The following VSNL1 variants were observed in gnomAD, a reference collection of about 807,000 sequenced individuals.
VSNL1 encodes the protein visinin like 1.
A neutral mutation model predicts 20.4 loss-of-function variants in VSNL1; 6 were observed. The observed-to-expected ratio is 0.29, with a 90% CI of 0.16 to 0.58. The LOEUF (loss-of-function observed/expected upper bound fraction) is 0.58, where lower values mean the gene tolerates loss of function less well. VSNL1 is among the 20% of genes least tolerant of loss of function. VSNL1 has a pLI of 0.90. For synonymous variants in VSNL1, 93 were observed against 86.4 expected (o/e 1.08, Z -0.42); for missense variants, 100 against 234.5 (o/e 0.43, Z 3.75).
At chr2:17,555,019 T>TTTTAAAATGGTATTTCC (rs201013829) in intron 1 of VSNL1, among the ~76,000 whole-genome samples, 3,408 of 152,320 alleles carry the variant, frequency 0.022, 52 homozygotes, top group South Asian at 0.047. Flanking sequence ...ACATTTTAAC[T>TTTTAAAATGGTATTTCC]TTTAAAATAC....
chr2:17,581,468 T>G (rs937388984), intron 1 of VSNL1, among the ~76,000 whole-genome samples: 4 of 152,258 alleles, frequency 2.6e-5, no homozygotes, highest in African/African-American at 9.6e-5. Context: ...AAGAAATTTA[T>G]TTAGCCAGTT....
At chr2:17,632,924 C>CA (rs1353082741) in intron 2 of VSNL1, among the ~76,000 whole-genome samples, 2 of 152,194 alleles carry the variant, frequency 1.3e-5, no homozygotes, top group African/African-American at 4.8e-5. Flanking sequence ...GAAGCCAAGG[C>CA]AGGCAGATCA....
chr2:17,607,742 AAAT>A (rs1664979851), intron 2 of VSNL1, among the ~76,000 whole-genome samples: 2 of 152,264 alleles, frequency 1.3e-5, no homozygotes, highest in African/African-American at 4.8e-5. Context: ...TAGTTGGATG[AAAT>A]AATAAATTAA....
intron 2 of VSNL1, among the ~76,000 whole-genome samples, chr2:17,598,369 GT>G (rs1307932611): frequency 2.0e-5 from 3 of 152,212 alleles, no homozygotes; most frequent in Non-Finnish European, 2.9e-5. Context: ...TTCAGCATCT[GT>G]GCAAATGAAA....
intron 3 of VSNL1, among the ~76,000 whole-genome samples, chr2:17,653,373 T>G (rs933801088): frequency 6.6e-6 from 1 of 152,200 alleles, no homozygotes; most frequent in South Asian, 2.1e-4. Context: ...CACTGCCTCA[T>G]GTAAGGGCTT....
At chr2:17,653,127 C>T (rs181774423) in intron 3 of VSNL1, among the ~76,000 whole-genome samples, 25 of 152,188 alleles carry the variant, frequency 1.6e-4, no homozygotes, top group African/African-American at 2.2e-4. Context: ...CAGTTTCACA[C>T]GGAGTTCCGA....
chr2:17,644,603 T>A (rs1416426239), intron 2 of VSNL1, among the ~76,000 whole-genome samples: 1 of 152,186 alleles, frequency 6.6e-6, no homozygotes, highest in Non-Finnish European at 1.5e-5. Context: ...GGCACTGAGT[T>A]TGATCCTCCT....
intron 2 of VSNL1, among the ~76,000 whole-genome samples, chr2:17,644,639 G>A (rs1172627982): frequency 6.6e-6 from 1 of 152,212 alleles, no homozygotes; most frequent in Non-Finnish European, 1.5e-5. Flanking sequence ...GTGACCTCAT[G>A]CCAGTTACTT....
intron 2 of VSNL1, among the ~76,000 whole-genome samples, chr2:17,619,197 G>A (rs778806916): frequency 1.1e-4 from 17 of 152,168 alleles, no homozygotes; most frequent in Non-Finnish European, 2.1e-4. Context: ...AAGTAATACA[G>A]CTAATAAGTA....
intron 2 of VSNL1, among the ~76,000 whole-genome samples, chr2:17,593,106 A>G (rs1664632519): frequency 6.6e-6 from 1 of 152,228 alleles, no homozygotes; most frequent in Non-Finnish European, 1.5e-5. Context: ...AGATGTATAT[A>G]TGTGTATGTG....
intron 1 of VSNL1, among the ~76,000 whole-genome samples, chr2:17,583,082 A>T (rs996941042): frequency 2.0e-5 from 3 of 152,198 alleles, no homozygotes; most frequent in African/African-American, 7.2e-5. Context: ...GAACATGGTG[A>T]GTGCAAATGG....
chr2:17,590,550 G>A (rs1664574247), intron 1 of VSNL1, among the ~76,000 whole-genome samples: 1 of 152,082 alleles, frequency 6.6e-6, no homozygotes, highest in Non-Finnish European at 1.5e-5. Context: ...AGGGTAAATG[G>A]CCATCTTAAT....
chr2:17,606,237 T>C (rs893676420), intron 2 of VSNL1, among the ~76,000 whole-genome samples: 1 of 152,192 alleles, frequency 6.6e-6, no homozygotes, highest in African/African-American at 2.4e-5. Flanking sequence ...TCTTCAGATT[T>C]AAAACATTGA....
At chr2:17,585,257 G>C (rs1350593811) in intron 1 of VSNL1, among the ~76,000 whole-genome samples, 1 of 152,038 alleles carries the variant, frequency 6.6e-6, no homozygotes, top group African/African-American at 2.4e-5. Flanking sequence ...TGAAATGCCA[G>C]CTTGTGGTCC....
intron 1 of VSNL1, among the ~76,000 whole-genome samples, chr2:17,590,625 C>T (rs1291633944): frequency 6.6e-6 from 1 of 152,072 alleles, no homozygotes; most frequent in Non-Finnish European, 1.5e-5. Flanking sequence ...CTGGAAGTAG[C>T]AAGAGTGGCT....
intron 2 of VSNL1, among the ~76,000 whole-genome samples, chr2:17,596,807 A>G (rs552332944): frequency 5.3e-5 from 8 of 152,326 alleles, no homozygotes; most frequent in South Asian, 2.1e-4. Context: ...ACATTTACCA[A>G]ATCTCTGCCA....
At chr2:17,552,124 C>T (rs1202476277) in intron 1 of VSNL1, among the ~76,000 whole-genome samples, 1 of 143,718 alleles carries the variant, frequency 7.0e-6, no homozygotes, top group Non-Finnish European at 1.5e-5. Flanking sequence ...GGCGTGAACC[C>T]GGGAGGCGGA....
chr2:17,561,193 T>C (rs993862160), intron 1 of VSNL1, among the ~76,000 whole-genome samples: 2 of 151,848 alleles, frequency 1.3e-5, no homozygotes, highest in Admixed American at 6.6e-5. Flanking sequence ...GTCTGAAAAA[T>C]GGGGTGAAGA....
intron 2 of VSNL1, among the ~76,000 whole-genome samples, chr2:17,613,001 C>T (rs1272305771): frequency 2.0e-5 from 3 of 152,186 alleles, no homozygotes; most frequent in Non-Finnish European, 4.4e-5. Context: ...CTCAGCTCCT[C>T]CTCACCCCAT....
Sources: allele counts gnomAD v4.1 joint callset (sites outside exome capture counted in the v4.1 genomes callset), GRCh38; gene constraint gnomAD v4.1.1; transcripts MANE v1.5; gene names NCBI Gene and HGNC (gene_info 2026-07-23, HGNC 2026-07-21).